The following CYLC2 variants were observed in gnomAD, a reference collection of about 807,000 sequenced individuals.
CYLC2 encodes the protein cylicin 2.
Under a neutral mutation model 26.1 loss-of-function variants are expected in CYLC2, and 30 were observed. The observed-to-expected ratio is 1.15, with a 90% CI of 0.86 to 1.56. The LOEUF is 1.56. CYLC2 is among the 40% of genes most tolerant of loss of function. CYLC2 has a pLI of 0.00. For synonymous variants in CYLC2, 158 were observed against 132.8 expected, an observed-to-expected ratio of 1.19 and a Z score of -1.31; for missense variants, 498 against 394.4, an observed-to-expected ratio of 1.26 and a Z score of -2.23.
At chr9:103,009,182 T>G (rs1401459645) in intron 5 of CYLC2, among the ~76,000 whole-genome samples, 1 of 152,114 alleles carries the variant, frequency 6.6e-6, no homozygotes, top group Non-Finnish European at 1.5e-5. Context: ...CAGCTTACAT[T>G]TTACATTTCC....
intron 6 of CYLC2, among the ~76,000 whole-genome samples, chr9:103,015,138 ACATG>A (rs1829484319): frequency 2.6e-5 from 1 of 38,392 alleles, no homozygotes; most frequent in Non-Finnish European, 4.7e-5. Flanking sequence ...GATATACATA[ACATG>A]TATATCACGT....
intron 3 of CYLC2, 119 bp from the exon 4 acceptor site, chr9:103,004,576 A>AT (rs1829319624): frequency 2.7e-6 from 2 of 745,748 alleles, no homozygotes; most frequent in South Asian, 6.0e-5. Flanking sequence ...AAACTTCCCC[A>AT]TTTTTTAACA....
chr9:103,013,921 T>A (rs1385666132), intron 6 of CYLC2, among the ~76,000 whole-genome samples: 1 of 93,156 alleles, frequency 1.1e-5, no homozygotes, highest in African/African-American at 4.0e-5. Flanking sequence ...TTATACATTA[T>A]ATATCATATC....
At chr9:103,011,220 G>A (rs754787926) in intron 5 of CYLC2, among the ~76,000 whole-genome samples, 5 of 151,958 alleles carry the variant, frequency 3.3e-5, no homozygotes, top group Non-Finnish European at 7.4e-5. Context: ...TGCACCAAAA[G>A]GACAATGTGC....
chr9:103,001,521 T>C, intron 1 of CYLC2, 57 bp from the exon 2 acceptor site: 1 of 1,091,468 alleles, frequency 9.2e-7, no homozygotes, highest in Non-Finnish European at 1.4e-6. Flanking sequence ...ATAATGACAG[T>C]TTAAAACAGT....
intron 1 of CYLC2, among the ~76,000 whole-genome samples, chr9:102,996,297 C>A (rs1365324702): frequency 6.6e-6 from 1 of 151,802 alleles, no homozygotes; most frequent in African/African-American, 2.4e-5. Flanking sequence ...TGTTCTGGCA[C>A]CTAACATGGC....
chr9:103,004,658 T>C, intron 3 of CYLC2, 37 bp from the exon 4 acceptor site: 6 of 1,465,310 alleles, frequency 4.1e-6, no homozygotes, highest in Non-Finnish European at 5.6e-6. Flanking sequence ...TGTTATTCAC[T>C]CACAAGTTGT....
At chr9:103,007,037 T>C (rs1370315230) in intron 5 of CYLC2, among the ~76,000 whole-genome samples, 1 of 152,152 alleles carries the variant, frequency 6.6e-6, no homozygotes, top group Non-Finnish European at 1.5e-5. Flanking sequence ...AATATGCTTT[T>C]ACTGATCAAA....
intron 1 of CYLC2, among the ~76,000 whole-genome samples, chr9:102,997,404 C>T (rs1485830820): frequency 6.6e-6 from 1 of 151,874 alleles, no homozygotes; most frequent in Non-Finnish European, 1.5e-5. Flanking sequence ...TGCTAAGAAA[C>T]ACTGCTTCAG....
In CYLC2 at chr9:103,006,017, GACACAC is replaced by G. The variant is rs201304746; in HGVS notation, c.*389_*394del. 0.05 allele frequency: 6,043 copies of G among 119,806 alleles called. 165 individuals are homozygous for G. Among genetic ancestry groups the G allele is most frequent in the Middle Eastern group, 0.092 (21 of 228 alleles). The allele number at this position is 119,806 out of a possible 1,614,324, so 7.4% of individuals were successfully genotyped here. ...TGAAGATAATGACACTAAATCTATGGACACACACACACACACACACACACACACACA... is the reference window on the plus strand; with the variant it reads ...TGAAGATAATGACACTAAATCTATGGACACACACACACACACACACACACA... On this transcript the variant is annotated 3_prime_UTR_variant, in exon 5 of 8. Transcript: ENST00000374798.
intron 5 of CYLC2, among the ~76,000 whole-genome samples, chr9:103,009,038 T>G (rs1336932078): frequency 6.6e-6 from 1 of 152,172 alleles, no homozygotes; most frequent in East Asian, 1.9e-4. Flanking sequence ...TACCATGCAC[T>G]TGTTGCATTG....
At chr9:103,004,630 A>G (rs538899818) in intron 3 of CYLC2, 65 bp from the exon 4 acceptor site, 423 of 1,048,490 alleles carry the variant, frequency 4.0e-4, no homozygotes, top group African/African-American at 2.9e-3. Context: ...TATATTTGGG[A>G]TATATTAATA....
intron 5 of CYLC2, among the ~76,000 whole-genome samples, chr9:103,009,822 CAT>C (rs1344673967): frequency 6.6e-6 from 1 of 151,860 alleles, no homozygotes; most frequent in African/African-American, 2.4e-5. Context: ...TGTTTCTCCA[CAT>C]CTTTGCCAAC....
At chr9:103,014,966 T>C (rs1829480401) in intron 6 of CYLC2, among the ~76,000 whole-genome samples, 1 of 122,920 alleles carries the variant, frequency 8.1e-6, no homozygotes, top group Non-Finnish European at 1.7e-5. Context: ...TACATATTCA[T>C]ATTATGTAGT....
Position 103,005,630 on chromosome 9 carries a change from G to A in CYLC2, c.999G>A (p.Lys333=). 1.2e-6 allele frequency: 2 copies of A among 1,612,734 alleles called. No homozygotes were observed. The highest frequency in any genetic ancestry group is 1.7e-6 in the Non-Finnish European group (2 of 1,179,596). Residue 333 remains lysine, a synonymous_variant, in exon 5 of 8, where the codon AAG becomes AAA. Coordinates refer to ENST00000374798, the MANE Select transcript of CYLC2 (RefSeq NM_001340.5). ...AKKDAKKDAK[K]NAKKDEKKDA... ...AGGATGCAAAGAAGGATGCAAAGAA[G>A]AATGCAAAGAAGGATGAAAAGAAGG...
rs773892978 is a variant in CYLC2, at chr9:103,005,385, A to C, written c.754A>C (p.Asn252His). 16 of 1,613,978 alleles carry C rather than the reference A, an allele frequency of 9.9e-6. No homozygotes were observed. The Middle Eastern group carries it at 4.9e-4, about 50-fold the overall frequency. Residue 252 changes from asparagine (N) to histidine (H), a missense_variant, in exon 5 of 8, where the codon AAC (asparagine) becomes CAC (histidine). By Grantham distance (68) the Asn-to-His change is moderately conservative. Transcript: ENST00000374798. ...GGATGAGGATGGAAAAAAAGATGCAAACAAAGGTGATGAATCGAAGGATGC... is the reference window on the plus strand; with the variant it reads ...GGATGAGGATGGAAAAAAAGATGCACACAAAGGTGATGAATCGAAGGATGC... ...KKDEDGKKDA[N>H]KGDESKDAKK...
chr9:103,012,447 C>G (rs1349733712), intron 6 of CYLC2, among the ~76,000 whole-genome samples: 2 of 151,802 alleles, frequency 1.3e-5, no homozygotes, highest in African/African-American at 2.4e-5. Context: ...CTGAAGACAC[C>G]GAATATTTTC....
Position 103,005,193 on chromosome 9 carries a change from G to A in CYLC2, c.562G>A (p.Asp188Asn). The change falls in exon 5 of 8, where the codon GAT becomes AAT. Residue 188 changes from aspartate (D) to asparagine (N), a missense_variant. Asp to Asn is a conservative substitution (Grantham distance 23). Transcript: ENST00000374798. ...AGATGAAAAAGGAGGTGCAAAGAAA[G>A]ATAACAAAAAAGATAAAAAGGATTC... The part of the protein sequence containing the change: ...SEDEKGGAKK[D>N]NKKDKKDSNK... 6.2e-7 allele frequency: 1 copy of A among 1,606,800 alleles called. No homozygotes were observed. Among genetic ancestry groups the A allele is most frequent in the Non-Finnish European group, 8.5e-7 (1 of 1,178,144 alleles).
At position 103,005,379 on chromosome 9, in the gene CYLC2, G is replaced by C. The variant is rs558649241; in HGVS notation, c.748G>C (p.Asp250His). ...AAAGAAGGATGAGGATGGAAAAAAA[G>C]ATGCAAACAAAGGTGATGAATCGAA... is the stretch of plus-strand genomic sequence containing the variant. The part of the protein sequence containing the change: ...DEKKDEDGKK[D>H]ANKGDESKDA... The change falls in exon 5 of 8, where the codon GAT becomes CAT. Residue 250 changes from aspartate (D) to histidine (H), a missense_variant. Asp to His is a moderately conservative substitution (Grantham distance 81, BLOSUM62 -1). Coordinates refer to ENST00000374798, the MANE Select transcript of CYLC2 (RefSeq NM_001340.5). 4 of 1,613,958 alleles carry C rather than the reference G, an allele frequency of 2.5e-6. No homozygotes were observed. The Admixed American group carries it at 6.7e-5, about 27-fold the overall frequency.
Sources: gnomAD v4.1 joint callset for allele counts (sites outside exome capture counted in the v4.1 genomes callset) on GRCh38, gnomAD v4.1.1 for gene constraint, MANE v1.5 for transcripts, NCBI Gene and HGNC (gene_info 2026-07-23, HGNC 2026-07-21) for gene names.